SLC17A1: variants seen among roughly 807,000 people sequenced by gnomAD.
The protein encoded by SLC17A1 is solute carrier family 17 member 1.
In SLC17A1, 51 loss-of-function variants were observed where a neutral mutation model predicts 53.5. That is an observed-to-expected ratio of 0.95 (90% CI 0.76 to 1.20). SLC17A1 has a LOEUF of 1.20. SLC17A1 is among the 50% of genes most tolerant of loss of function. The pLI, the probability that SLC17A1 is intolerant of heterozygous loss-of-function variation, is 0.00. For synonymous variants in SLC17A1, 179 were observed against 198.8 expected, an observed-to-expected ratio of 0.90 and a Z score of 0.84; for missense variants, 538 against 568.2, an observed-to-expected ratio of 0.95 and a Z score of 0.54.
chr6:25,749,995 T>C, the SLC17A1 span, among the ~76,000 whole-genome samples: 1 of 152,300 alleles, frequency 6.6e-6, no homozygotes, highest in South Asian at 2.1e-4. Context: ...TAAAATTACA[T>C]TGTATGCCAC....
the SLC17A1 span, chr6:25,768,835 A>C: frequency 1.4e-6 from 1 of 729,504 alleles, no homozygotes; most frequent in Non-Finnish European, 2.3e-6. Context: ...TCCCAGGGGA[A>C]CAAAATTCCA....
the SLC17A1 span, chr6:25,777,155 G>C: frequency 1.6e-6 from 1 of 607,234 alleles, no homozygotes; most frequent in Non-Finnish European, 2.7e-6. Context: ...TAGTTTTTCT[G>C]GGCGTGAACA....
At chr6:25,736,260 C>T in the SLC17A1 span, among the ~76,000 whole-genome samples, 1 of 152,046 alleles carries the variant, frequency 6.6e-6, no homozygotes, top group Admixed American at 6.5e-5. Flanking sequence ...TAATTTATCT[C>T]AATAATGAGT....
At chr6:25,751,034 C>A in the SLC17A1 span, among the ~76,000 whole-genome samples, 1 of 152,034 alleles carries the variant, frequency 6.6e-6, no homozygotes, top group African/African-American at 2.4e-5. Context: ...AAATAGCTAC[C>A]CACATGATCT....
chr6:25,776,390 A>G, the SLC17A1 span, among the ~76,000 whole-genome samples: 1 of 150,728 alleles, frequency 6.6e-6, no homozygotes, highest in Non-Finnish European at 1.5e-5. Flanking sequence ...ATATAAAGAG[A>G]GCCTTGTTCT....
At chr6:25,799,086 A>G (rs546478393) in intron 11 of SLC17A1, among the ~76,000 whole-genome samples, 167 bp from the exon 12 acceptor site, 1 of 152,268 alleles carries the variant, frequency 6.6e-6, no homozygotes, top group East Asian at 1.9e-4. Context: ...TAAAATAATC[A>G]CTTTTATCTT....
In SLC17A1 at chr6:25,831,999, T is replaced by G. The variant is rs1313396350; in HGVS notation, c.-56A>C. The stretch of plus-strand genomic sequence containing the variant: ...AATGAGCCCCGTAGACTAACCTGAT[T>G]CGGGACAAAAAAGTGATTTCTTCTT... On this transcript the variant is annotated 5_prime_UTR_variant, in exon 1 of 13. Coordinates refer to ENST00000244527, the MANE Select transcript of SLC17A1 (RefSeq NM_005074.5). 6.6e-6 allele frequency: 1 copy of G among 152,128 alleles called. No homozygotes were observed. Among genetic ancestry groups the G allele is most frequent in the Non-Finnish European group, 1.5e-5 (1 of 68,012 alleles). The allele number at this position is 152,128 out of a possible 1,614,324, so 9.4% of individuals were successfully genotyped here.
At chr6:25,770,606 G>A in the SLC17A1 span, 1 of 782,326 alleles carries the variant, frequency 1.3e-6, no homozygotes, top group Non-Finnish European at 2.2e-6. Context: ...ACCCCATACT[G>A]CCTTACTTGA....
chr6:25,732,703 C>T, the SLC17A1 span: 1 of 1,345,952 alleles, frequency 7.4e-7, no homozygotes, highest in Non-Finnish European at 1.0e-6. Context: ...TCCGCAACGA[C>T]AAGGAGCTCG....
the SLC17A1 span, among the ~76,000 whole-genome samples, chr6:25,729,310 T>C: frequency 5.9e-5 from 9 of 152,144 alleles, no homozygotes; most frequent in Non-Finnish European, 1.2e-4. Context: ...GTTCCACCAA[T>C]AGGATAATCA....
chr6:25,818,386 C>T (rs1449936770), intron 6 of SLC17A1, among the ~76,000 whole-genome samples: 1 of 152,178 alleles, frequency 6.6e-6, no homozygotes, highest in Admixed American at 6.5e-5. Flanking sequence ...TCGCTAGCCC[C>T]AGGTAACTGG....
At chr6:25,764,204 C>A in the SLC17A1 span, among the ~76,000 whole-genome samples, 1 of 152,190 alleles carries the variant, frequency 6.6e-6, no homozygotes, top group African/African-American at 2.4e-5. Flanking sequence ...GGCCAGAATG[C>A]CCTCATTTGT....
At chr6:25,770,834 C>T in the SLC17A1 span, 5 of 983,344 alleles carry the variant, frequency 5.1e-6, no homozygotes, top group Non-Finnish European at 8.2e-6. Context: ...AAACTCATAC[C>T]TTCACTCACT....
chr6:25,825,772 G>A (rs1471553436), intron 3 of SLC17A1, among the ~76,000 whole-genome samples: 1 of 151,938 alleles, frequency 6.6e-6, no homozygotes, highest in Admixed American at 6.6e-5. Flanking sequence ...TTCTGGTCAT[G>A]CACATGTTAC....
the SLC17A1 span, among the ~76,000 whole-genome samples, chr6:25,757,629 C>T: frequency 6.6e-6 from 1 of 152,098 alleles, no homozygotes; most frequent in African/African-American, 2.4e-5. Flanking sequence ...CTTTCTCTGT[C>T]AGCAACTCCT....
chr6:25,804,050 C>T (rs145372380), intron 10 of SLC17A1, among the ~76,000 whole-genome samples: 54 of 152,210 alleles, frequency 3.5e-4, no homozygotes, highest in African/African-American at 1.3e-3. Flanking sequence ...CAGATGCATA[C>T]ATCTGAATAT....
intron 5 of SLC17A1, 58 bp downstream of exon 5, chr6:25,819,453 G>A: frequency 7.5e-7 from 1 of 1,340,042 alleles, no homozygotes; most frequent in Non-Finnish European, 1.1e-6. Context: ...CTCTAGGGAA[G>A]AATGTAATAC....
intron 3 of SLC17A1, among the ~76,000 whole-genome samples, chr6:25,823,804 A>G (rs1038316340): frequency 3.3e-5 from 5 of 151,952 alleles, no homozygotes; most frequent in African/African-American, 1.2e-4. Context: ...GTTCTTTTGC[A>G]TATCTTGAAA....
the SLC17A1 span, chr6:25,726,573 C>A: frequency 2.5e-6 from 4 of 1,569,198 alleles, no homozygotes; most frequent in East Asian, 2.2e-5. Flanking sequence ...ATTTCTAGGG[C>A]TGCTACTGGG....
Sources: allele counts gnomAD v4.1 joint callset (sites outside exome capture counted in the v4.1 genomes callset), GRCh38; gene constraint gnomAD v4.1.1; transcripts MANE v1.5; gene names NCBI Gene and HGNC (gene_info 2026-07-23, HGNC 2026-07-21).